FOXP2: variants seen among roughly 807,000 people sequenced by gnomAD.
FOXP2 encodes forkhead box protein P2.
FOXP2 carries 12 observed loss-of-function variants against 115.8 expected under a neutral mutation model. The observed-to-expected ratio is 0.10, with a 90% CI of 0.07 to 0.17. FOXP2 has a LOEUF of 0.17. FOXP2 is among the 10% of genes least tolerant of loss of function. The probability of loss-of-function intolerance (pLI) is 1.00; values close to 1 mark genes in which losing one functional copy is unlikely to be tolerated. For synonymous variants in FOXP2, 328 were observed against 297.7 expected, an observed-to-expected ratio of 1.10 and a Z score of -1.05; for missense variants, 629 against 843.5, an observed-to-expected ratio of 0.75 and a Z score of 3.15.
At chr7:114,503,770 T>G (rs1042059321) in intron 2 of FOXP2, among the ~76,000 whole-genome samples, 5 of 151,394 alleles carry the variant, frequency 3.3e-5, no homozygotes, top group Non-Finnish European at 7.4e-5. Flanking sequence ...TTCTTCTGAT[T>G]GACTTTATTA....
chr7:114,529,792 T>A (rs1345559056), intron 2 of FOXP2, among the ~76,000 whole-genome samples: 2 of 151,814 alleles, frequency 1.3e-5, no homozygotes, highest in African/African-American at 4.8e-5. Flanking sequence ...TTCTATTAAA[T>A]AACATTATGA....
At chr7:114,409,122 A>C (rs896260599) in intron 2 of FOXP2, among the ~76,000 whole-genome samples, 36 of 152,102 alleles carry the variant, frequency 2.4e-4, no homozygotes, top group African/African-American at 8.7e-4. Context: ...TTGACCGTTA[A>C]ATTTGGTTTA....
chr7:114,204,864 G>A (rs1350201839), intron 1 of FOXP2, among the ~76,000 whole-genome samples: 2 of 151,076 alleles, frequency 1.3e-5, no homozygotes, highest in Non-Finnish European at 2.9e-5. Context: ...AATAATCCTC[G>A]AAGTATTATA....
intron 3 of FOXP2, among the ~76,000 whole-genome samples, chr7:114,535,489 A>G (rs547097203): frequency 5.7e-4 from 87 of 151,702 alleles, no homozygotes; most frequent in Non-Finnish European, 1.5e-5. Context: ...ATGTCTAATA[A>G]GGCAAATTTA....
At chr7:114,403,104 A>G (rs12536335) in intron 2 of FOXP2, among the ~76,000 whole-genome samples, 55,219 of 152,134 alleles carry the variant, frequency 0.36, 11,680 homozygotes, top group East Asian at 0.61. Flanking sequence ...GTAATAAGTT[A>G]TGTAGTCTGT....
chr7:114,189,713 T>G (rs1188639340), intron 1 of FOXP2, among the ~76,000 whole-genome samples: 3 of 152,146 alleles, frequency 2.0e-5, no homozygotes, highest in African/African-American at 4.8e-5. Flanking sequence ...GGGTCAAAAT[T>G]TAGGCAATTT....
Position 114,418,464 on chromosome 7 carries a change from T to A in FOXP2, c.-11+3104T>A, listed in dbSNP as rs371185168. Among the ~76,000 whole-genome samples the A allele has an allele frequency of 3.2e-4, 48 of 152,030 alleles. No individual in the cohort carries two copies. In the East Asian group the frequency reaches 4.9e-3, roughly 15 times the overall value. On this transcript the variant is annotated intron_variant, in intron 1 of 16. Transcript: ENST00000350908. ...CTTCGATCATTAACTTTACATCCAC[T>A]CACCTTCTTCTAAAGAAGTTGTAGT... is the stretch of plus-strand genomic sequence containing the variant.
At chr7:114,391,951 A>G (rs558580144) in intron 2 of FOXP2, among the ~76,000 whole-genome samples, 1 of 152,346 alleles carries the variant, frequency 6.6e-6, no homozygotes, top group East Asian at 1.9e-4. Context: ...GATTTTAAGT[A>G]AAATAATTTC....
intron 2 of FOXP2, among the ~76,000 whole-genome samples, chr7:114,399,968 T>C (rs989639251): frequency 6.7e-6 from 1 of 149,548 alleles, no homozygotes; most frequent in Non-Finnish European, 1.5e-5. Context: ...GCGATTCTCC[T>C]GCCTCAGCCT....
chr7:114,249,708 A>G (rs1362835928), intron 1 of FOXP2, among the ~76,000 whole-genome samples: 2 of 151,960 alleles, frequency 1.3e-5, no homozygotes. Flanking sequence ...AGAATGATTT[A>G]TATTCCTTTG....
At chr7:114,554,069 A>G (rs1262425610) in intron 3 of FOXP2, among the ~76,000 whole-genome samples, 1 of 152,128 alleles carries the variant, frequency 6.6e-6, no homozygotes, top group Non-Finnish European at 1.5e-5. Flanking sequence ...GATACCAAAA[A>G]TGTAAGGGAT....
intron 2 of FOXP2, among the ~76,000 whole-genome samples, chr7:114,318,414 ATT>A (rs1324071175): frequency 1.9e-5 from 1 of 52,798 alleles, no homozygotes; most frequent in Non-Finnish European, 4.9e-5. Flanking sequence ...TATGATTTTT[ATT>A]TTAAATTCAG....
At chr7:114,271,793 T>A (rs1216405644) in intron 1 of FOXP2, among the ~76,000 whole-genome samples, 4 of 119,226 alleles carry the variant, frequency 3.4e-5, no homozygotes, top group Admixed American at 1.0e-4. Context: ...TAAATGTATG[T>A]CATATTATTT....
At chr7:114,489,048 T>C (rs1171987523) in intron 2 of FOXP2, among the ~76,000 whole-genome samples, 1 of 152,156 alleles carries the variant, frequency 6.6e-6, no homozygotes, top group Admixed American at 6.6e-5. Context: ...CTATTTCAGA[T>C]CATTTTGTCA....
At chr7:114,158,208 A>T (rs1187899531), upstream of FOXP2, among the ~76,000 whole-genome samples, 1 of 152,060 alleles carries the variant, frequency 6.6e-6, no homozygotes, top group Non-Finnish European at 1.5e-5. Context: ...ATATTTACTG[A>T]TTGTTCAAAA....
chr7:114,283,689 T>C (rs904084113), intron 1 of FOXP2, among the ~76,000 whole-genome samples: 7 of 152,062 alleles, frequency 4.6e-5, no homozygotes, highest in Non-Finnish European at 1.0e-4. Flanking sequence ...AGGCTGGGCA[T>C]AGTTGGCTCA....
intron 2 of FOXP2, among the ~76,000 whole-genome samples, chr7:114,316,821 T>TA: frequency 6.6e-6 from 1 of 152,080 alleles, no homozygotes; most frequent in Non-Finnish European, 1.5e-5. Flanking sequence ...ATCTCTTTTA[T>TA]AAAAAACTTT....
In FOXP2 at chr7:114,336,998, T is replaced by C. The variant is rs533665017; in HGVS notation, c.-11+48889T>C. On this transcript the variant is annotated intron_variant, in intron 2 of 17. Coordinates refer to the FOXP2 transcript ENST00000634411. The stretch of plus-strand genomic sequence containing the variant: ...TGTTCTTTTAATAATTGAATCAACA[T>C]GCAGATACATAATAAGCATAAAAGC... Among the ~76,000 whole-genome samples the C allele has an allele frequency of 3.3e-5, 5 of 151,640 alleles. No individual in the cohort carries two copies. The South Asian group carries it at 8.3e-4, about 25-fold the overall frequency.
intron 1 of FOXP2, among the ~76,000 whole-genome samples, chr7:114,261,205 T>C (rs1795741786): frequency 6.6e-6 from 1 of 152,198 alleles, no homozygotes; most frequent in Middle Eastern, 3.2e-3. Context: ...AGGTGTTATA[T>C]AAGTGTAAAA....
Sources: allele counts gnomAD v4.1 joint callset (sites outside exome capture counted in the v4.1 genomes callset), GRCh38; gene constraint gnomAD v4.1.1; transcripts MANE v1.5; gene names NCBI Gene and HGNC (gene_info 2026-07-23, HGNC 2026-07-21).